MYO5A: variants seen among roughly 807,000 people sequenced by gnomAD.
The protein encoded by MYO5A is myosin VA, also known as unconventional myosin-Va.
MYO5A carries 98 observed loss-of-function variants against 249.7 expected under a neutral mutation model. That is an observed-to-expected ratio of 0.39 (90% CI 0.33 to 0.46). MYO5A has a LOEUF of 0.46. Among genes scored for constraint, MYO5A ranks in the 20% least tolerant of loss-of-function variants. The probability of loss-of-function intolerance (pLI) is 0.98; values close to 1 mark genes in which losing one functional copy is unlikely to be tolerated. For missense variants in MYO5A, 1,696 were observed against 2,308.8 expected, an observed-to-expected ratio of 0.73 and a Z score of 5.44; for synonymous variants, 778 against 810.6, an observed-to-expected ratio of 0.96 and a Z score of 0.68.
intron 1 of MYO5A, among the ~76,000 whole-genome samples, chr15:52,438,261 C>T (rs1216043324): frequency 2.0e-5 from 3 of 152,136 alleles, no homozygotes; most frequent in Non-Finnish European, 2.9e-5. Context: ...CAGTCACATC[C>T]GGTGAGAAGA....
intron 1 of MYO5A, among the ~76,000 whole-genome samples, chr15:52,511,882 G>A (rs572634001): frequency 1.3e-5 from 2 of 152,034 alleles, no homozygotes; most frequent in Non-Finnish European, 2.9e-5. Context: ...CATTGATATC[G>A]GCTGGGCGCA....
chr15:52,348,582 T>C (rs1473842818), intron 29 of MYO5A, among the ~76,000 whole-genome samples: 2 of 152,222 alleles, frequency 1.3e-5, no homozygotes, highest in Non-Finnish European at 2.9e-5. Context: ...TAGAGCTGCC[T>C]ATGAATTAGA....
intron 1 of MYO5A, among the ~76,000 whole-genome samples, chr15:52,451,625 C>T (rs896267113): frequency 1.3e-5 from 2 of 152,150 alleles, no homozygotes; most frequent in African/African-American, 4.8e-5. Context: ...CTCTATTCAC[C>T]CCACCAAGGG....
intron 29 of MYO5A, among the ~76,000 whole-genome samples, chr15:52,348,040 T>C (rs150304756): frequency 6.6e-6 from 1 of 152,324 alleles, no homozygotes; most frequent in East Asian, 1.9e-4. Context: ...TGAGGTAACT[T>C]GATCAAATTA....
At chr15:52,396,273 A>C in intron 11 of MYO5A, 43 bp downstream of exon 11, 2 of 1,153,868 alleles carry the variant, frequency 1.7e-6, no homozygotes, top group Non-Finnish European at 2.6e-6. Flanking sequence ...AATTCAAGAG[A>C]ATAATTTATA....
intron 1 of MYO5A, among the ~76,000 whole-genome samples, chr15:52,462,845 T>TG (rs2076280373): frequency 7.1e-6 from 1 of 141,168 alleles, no homozygotes; most frequent in African/African-American, 2.6e-5. Flanking sequence ...GAATCCGTCT[T>TG]GGAAAAAAAA....
intron 1 of MYO5A, among the ~76,000 whole-genome samples, chr15:52,487,861 C>T (rs1164470079): frequency 6.6e-6 from 1 of 152,132 alleles, no homozygotes; most frequent in Non-Finnish European, 1.5e-5. Flanking sequence ...TCAATCCCTA[C>T]CCCACATTCC....
intron 22 of MYO5A, among the ~76,000 whole-genome samples, chr15:52,368,113 T>C (rs1329141350): frequency 6.6e-6 from 1 of 152,136 alleles, no homozygotes; most frequent in Non-Finnish European, 1.5e-5. Flanking sequence ...GCTTTAATAA[T>C]AGGGAGAGAA....
intron 1 of MYO5A, among the ~76,000 whole-genome samples, chr15:52,471,022 C>CAA (rs55650927): frequency 1.5e-3 from 205 of 132,982 alleles, no homozygotes; most frequent in African/African-American, 5.6e-3. Flanking sequence ...GACTCCATCT[C>CAA]AAAAAAAAAA....
At chr15:52,499,339 C>T (rs987638930) in intron 1 of MYO5A, among the ~76,000 whole-genome samples, 1 of 152,102 alleles carries the variant, frequency 6.6e-6, no homozygotes, top group Admixed American at 6.5e-5. Context: ...TGGTAAAATA[C>T]ACATATTTAC....
chr15:52,376,411 A>C lies in MYO5A; in HGVS notation c.2356T>G (p.Tyr786Asp). The C allele has an allele frequency of 6.2e-7, 1 of 1,614,112 alleles. No homozygotes were observed. The highest frequency in any genetic ancestry group is 1.1e-5 in the South Asian group (1 of 91,084). ...ATGGCTGCCTTCCGCATGCGTAGGT[A>C]CTTCTTTCTCAGCAGCCACCCTCGG... is the stretch of plus-strand genomic sequence containing the variant. ...TIRGWLLRKK[Y>D]LRMRKAAITM... Residue 786 changes from tyrosine to aspartate, a missense_variant, in exon 19 of 42, where the codon TAC becomes GAC. By Grantham distance (160) the Tyr-to-Asp change is radical. Around this residue, in one of 5 missense-constraint regions of MYO5A, gnomAD observed 412 missense variants for 453.3 expected, o/e 0.91. Coordinates refer to ENST00000399233, the MANE Select transcript of MYO5A (RefSeq NM_001382347.1).
chr15:52,364,441 T>C (rs1001803588), intron 24 of MYO5A, 113 bp downstream of exon 24: 2 of 982,864 alleles, frequency 2.0e-6, no homozygotes, highest in Non-Finnish European at 3.0e-6. Context: ...TTGAACATTC[T>C]GGAACTGGGT....
chr15:52,464,954 A>G (rs1197371424), intron 1 of MYO5A, among the ~76,000 whole-genome samples: 2 of 152,186 alleles, frequency 1.3e-5, no homozygotes, highest in Non-Finnish European at 2.9e-5. Flanking sequence ...ATTGCTTCCA[A>G]AATGTCATCC....
At chr15:52,438,709 G>A (rs1392552900) in intron 1 of MYO5A, among the ~76,000 whole-genome samples, 1 of 152,248 alleles carries the variant, frequency 6.6e-6, no homozygotes, top group Non-Finnish European at 1.5e-5. Context: ...CAATGATCGG[G>A]ATATAAACCC....
intron 11 of MYO5A, among the ~76,000 whole-genome samples, chr15:52,392,512 A>G (rs2042286077): frequency 6.6e-6 from 1 of 152,202 alleles, no homozygotes; most frequent in African/African-American, 2.4e-5. Context: ...CTCCTAAGGG[A>G]CTGTGGTGCT....
intron 12 of MYO5A, 83 bp from the exon 13 acceptor site, chr15:52,389,446 A>ATT (rs71425744): frequency 1.6e-4 from 170 of 1,032,598 alleles, no homozygotes; most frequent in South Asian, 1.6e-3. Context: ...AAGATCTTTT[A>ATT]TTTTTTTTTT....
At chr15:52,497,164 G>A (rs1214187903) in intron 1 of MYO5A, among the ~76,000 whole-genome samples, 1 of 152,088 alleles carries the variant, frequency 6.6e-6, no homozygotes, top group African/African-American at 2.4e-5. Context: ...GTTTTGCCAT[G>A]TGGCCTAGGC....
intron 12 of MYO5A, among the ~76,000 whole-genome samples, 167 bp downstream of exon 12, chr15:52,391,763 T>A (rs1011602198): frequency 6.6e-6 from 1 of 152,184 alleles, no homozygotes; most frequent in African/African-American, 2.4e-5. Context: ...TCACTTGTAA[T>A]TAGAACCCTT....
intron 8 of MYO5A, among the ~76,000 whole-genome samples, chr15:52,406,795 T>C (rs1446060947): frequency 6.6e-6 from 1 of 152,156 alleles, no homozygotes; most frequent in East Asian, 1.9e-4. Context: ...ATAAACTACA[T>C]GTAATGGAAT....
Sources: allele counts gnomAD v4.1 joint callset (sites outside exome capture counted in the v4.1 genomes callset), GRCh38; gene constraint gnomAD v4.1.1; regional missense constraint gnomAD v4.1.1; transcripts MANE v1.5; gene names NCBI Gene and HGNC (gene_info 2026-07-23, HGNC 2026-07-21).